Variants in AGER observed in about 807,000 individuals in gnomAD.
AGER encodes the protein advanced glycation end product-specific receptor.
AGER carries 46 observed loss-of-function variants against 48.8 expected under a neutral mutation model. The observed-to-expected ratio is 0.94, with a 90% CI of 0.74 to 1.20. The LOEUF (loss-of-function observed/expected upper bound fraction) is 1.20. Among genes scored for constraint, AGER ranks in the 50% most tolerant of loss-of-function variants. The pLI, the probability that AGER is intolerant of heterozygous loss-of-function variation, is 0.00. For missense variants in AGER, 489 were observed against 515.0 expected, an observed-to-expected ratio of 0.95 and a Z score of 0.49; for synonymous variants, 170 against 199.9, an observed-to-expected ratio of 0.85 and a Z score of 1.26.
At position 32,183,110 on chromosome 6, in the gene AGER, T is replaced by G. The variant is rs1338869496; in HGVS notation, c.508+4A>C. ...GGCAGCTTGGGGGGCACCTTAGGAC[T>G]CACCCTTCTCATTAGGCACCAGGGG... On this transcript the variant is annotated splice_donor_region_variant and intron_variant, in intron 5 of 10. Coordinates refer to ENST00000375076, the MANE Select transcript of AGER (RefSeq NM_001136.5). 6.2e-7 allele frequency: 1 copy of G among 1,612,932 alleles called. No individual in the cohort carries two copies. The highest frequency in any genetic ancestry group is 1.7e-5 in the Admixed American group (1 of 60,006).
intron 4 of AGER, 30 bp downstream of exon 4, chr6:32,183,294 T>C (rs1486100699): frequency 6.2e-7 from 1 of 1,613,116 alleles, no homozygotes; most frequent in South Asian, 1.1e-5. Context: ...CACAGGGCCG[T>C]TTTCTACTTC....
chr6:32,181,396 A>G lies in AGER; in HGVS notation c.1073T>C (p.Ile358Thr), dbSNP rs758267863. 8.1e-6 allele frequency: 13 copies of G among 1,613,168 alleles called. No homozygotes were observed. The highest frequency in any genetic ancestry group is 1.3e-5 in the African/African-American group (1 of 74,864). Residue 358 changes from isoleucine to threonine, a missense_variant, in exon 10 of 11, where the codon ATT (isoleucine) becomes ACT (threonine). By Grantham distance (89) the Ile-to-Thr change is moderately conservative. Transcript: ENST00000375076. The surrounding 1 kb of genome is among the most constrained non-coding windows in gnomAD (Gnocchi z 4.1). ...CCGCCTTTGCCACAAGATGACCCCA[A>G]TGAGCAGGGCGGCTGTCCCCAGGCC... ...LGGLGTAALL[I>T]GVILWQRRQR...
Position 32,184,180 on chromosome 6 carries a change from T to C in AGER, c.43A>G (p.Ser15Gly). The part of the protein sequence containing the change: ...TAVGAWVLVL[S>G]LWGAVVGAQN... ...TGAGGGAGTGGCTCACCCCACAGAC[T>C]GAGGACCAGCACCCAGGCTCCAACT... is the stretch of plus-strand genomic sequence containing the variant. The change falls in exon 1 of 11, where the codon AGT (serine) becomes GGT (glycine). Residue 15 changes from serine (S) to glycine (G), a missense_variant. Ser to Gly is a moderately conservative substitution (Grantham distance 56, BLOSUM62 0). Transcript: ENST00000375076. The C allele has an allele frequency of 6.2e-7, 1 of 1,612,250 alleles. No homozygotes were observed. Among genetic ancestry groups the C allele is most frequent in the Non-Finnish European group, 8.5e-7 (1 of 1,179,526 alleles).
rs774694207 is a variant in AGER, at chr6:32,181,436, G to A, written c.1033C>T (p.Leu345=). 1.9e-6 allele frequency: 3 copies of A among 1,613,384 alleles called. No individual in the cohort carries two copies. The highest frequency in any genetic ancestry group is 2.2e-5 in the South Asian group (2 of 91,082). ...GTCCCCAGGCCTCCCAGGATCCCCA[G>A]GGCCAGGGCTAGAGTTCCCAGCCCT... ...GSGLGTLALA[L]GILGGLGTAA... The change falls in exon 10 of 11, where the codon CTG becomes TTG. Residue 345 remains leucine (L), a synonymous_variant. Coordinates refer to ENST00000375076, the MANE Select transcript of AGER (RefSeq NM_001136.5). This position sits in a 1 kb window ranked among gnomAD's most constrained non-coding sequence, Gnocchi z 4.1.
In AGER at chr6:32,183,865, C is replaced by G. The variant is rs1786727403; in HGVS notation, c.159+16G>C. 1.9e-6 allele frequency: 3 copies of G among 1,612,972 alleles called. No individual in the cohort carries two copies. In the African/African-American group the frequency reaches 4.0e-5, roughly 21 times the overall value. On this transcript the variant is annotated intron_variant, in intron 2 of 10. Transcript: ENST00000375076. Reference sequence around the variant, plus strand: ...CTCCCTGGAAGTTGGGAGGCTGCAACAGGAGCCCCGCTTACCAGTTTCCAT... The same window carrying G: ...CTCCCTGGAAGTTGGGAGGCTGCAAGAGGAGCCCCGCTTACCAGTTTCCAT...
In AGER at chr6:32,181,455, C is replaced by CA. The variant is rs1259165226; in HGVS notation, c.1013dup (p.Thr340AsnfsTer56). ...TCCCCAGGGCCAGGGCTAGAGTTCC[C>CA]AGCCCTGATCCTCCCACAGAGCCTG... On this transcript the variant is annotated frameshift_variant, in exon 10 of 11. Coordinates refer to ENST00000375076, the MANE Select transcript of AGER (RefSeq NM_001136.5). LOFTEE classifies it high-confidence loss of function. The surrounding 1 kb of genome is among the most constrained non-coding windows in gnomAD (Gnocchi z 4.1). 5 of 1,613,202 alleles carry CA rather than the reference C, an allele frequency of 3.1e-6. No homozygotes were observed. Among genetic ancestry groups the CA allele is most frequent in the Non-Finnish European group, 3.4e-6 (4 of 1,180,028 alleles).
At position 32,181,761 on chromosome 6, in the gene AGER, A is replaced by G. The variant is rs1180330464; in HGVS notation, c.965-129T>C. The G allele has an allele frequency of 1.5e-5, 15 of 994,288 alleles. No homozygotes were observed. The highest frequency in any genetic ancestry group is 1.9e-5 in the Non-Finnish European group (13 of 673,184). 61.6% of individuals were successfully genotyped at this position (994,288 alleles called of 1,614,324 possible). A position where few individuals can be genotyped will look rare whatever the true frequency, so the allele number is the denominator to read the frequency against. On this transcript the variant is annotated intron_variant, in intron 8 of 10. Coordinates refer to ENST00000375076, the MANE Select transcript of AGER (RefSeq NM_001136.5). The surrounding 1 kb of genome is among the most constrained non-coding windows in gnomAD (Gnocchi z 4.1). Reference sequence around the variant, plus strand: ...AGATGGAGTTTCACTTTTGTTGCCCAGGCTGGCATGCAATGGTGCGATCTT... The same window carrying G: ...AGATGGAGTTTCACTTTTGTTGCCCGGGCTGGCATGCAATGGTGCGATCTT...
Position 32,182,365 on chromosome 6 carries a change from G to T in AGER, c.846C>A (p.Pro282=), listed in dbSNP as rs1045204978. The T allele has an allele frequency of 3.1e-6, 5 of 1,611,986 alleles. No individual in the cohort carries two copies. Among genetic ancestry groups the T allele is most frequent in the Middle Eastern group, 1.6e-4 (1 of 6,084 alleles). Residue 282 remains proline (P), a synonymous_variant, in exon 8 of 11, where the codon CCC becomes CCA. Transcript: ENST00000375076. This position sits in a 1 kb window ranked among gnomAD's most constrained non-coding sequence, Gnocchi z 5.1. ...MKDGVPLPLP[P]SPVLILPEIG... ...TCTCAGGGAGGATCAGCACAGGGCTGGGGGGAAGGGGCAAGGGCACACCCT... is the reference window on the plus strand; with the variant it reads ...TCTCAGGGAGGATCAGCACAGGGCTTGGGGGAAGGGGCAAGGGCACACCCT...
In AGER at chr6:32,183,267, C is replaced by T. The variant is rs538068075; in HGVS notation, c.420+57G>A. 5.7e-5 allele frequency: 92 copies of T among 1,612,926 alleles called. No individual in the cohort carries two copies. The East Asian group carries it at 1.8e-3, about 32-fold the overall frequency. On this transcript the variant is annotated intron_variant, in intron 4 of 10. Coordinates refer to ENST00000375076, the MANE Select transcript of AGER (RefSeq NM_001136.5). ...GAGATGCCACACACCCACACCCACA[C>T]ACACTCGCCTCCTGTTCACAGGGCC...
chr6:32,184,004 TG>T lies in AGER; in HGVS notation c.53-18del. ...CTACTGCCCCTGGGAGATAGCACCA[TG>T]GTAGAGGGGTAGGAAGGGAATGAGG... On this transcript the variant is annotated intron_variant, in intron 1 of 10. Coordinates refer to ENST00000375076, the MANE Select transcript of AGER (RefSeq NM_001136.5). 1 of 1,612,870 alleles carries T rather than the reference TG, an allele frequency of 6.2e-7. No homozygotes were observed. The highest frequency in any genetic ancestry group is 8.5e-7 in the Non-Finnish European group (1 of 1,179,940).
At position 32,183,762 on chromosome 6, in the gene AGER, G is replaced by A. The variant is rs752147099; in HGVS notation, c.160-12C>T. ...GTCCGGCCTGTGTTCTAGAAGCAGAGAAGCAGGGCCTAAACAGTGCAAGGC... is the reference window on the plus strand; with the variant it reads ...GTCCGGCCTGTGTTCTAGAAGCAGAAAAGCAGGGCCTAAACAGTGCAAGGC... On this transcript the variant is annotated splice_polypyrimidine_tract_variant and intron_variant, in intron 2 of 10. Transcript: ENST00000375076. 32 of 1,612,540 alleles carry A rather than the reference G, an allele frequency of 2.0e-5. No homozygotes were observed. Among genetic ancestry groups the A allele is most frequent in the Non-Finnish European group, 1.9e-5 (22 of 1,179,776 alleles).
chr6:32,183,583 G>T lies in AGER; in HGVS notation c.327C>A (p.Thr109=). Residue 109 remains threonine, a synonymous_variant, in exon 3 of 11, where the codon ACC becomes ACA. Transcript: ENST00000375076. ...AGACACGGACTCGGTAGTTGGACTT[G>T]GTCTCCTTTCCATTCCTGTTCATTG... ...CQAMNRNGKE[T]KSNYRVRVYQ... is the part of the protein sequence containing the mutation. 6.2e-7 allele frequency: 1 copy of T among 1,613,034 alleles called. No individual in the cohort carries two copies. The highest frequency in any genetic ancestry group is 8.5e-7 in the Non-Finnish European group (1 of 1,180,012).
chr6:32,183,959 T>C lies in AGER; in HGVS notation c.81A>G (p.Thr27=). 3 of 1,613,010 alleles carry C rather than the reference T, an allele frequency of 1.9e-6. No individual in the cohort carries two copies. Among genetic ancestry groups the C allele is most frequent in the Non-Finnish European group, 2.5e-6 (3 of 1,179,992 alleles). Residue 27 remains threonine (T), a synonymous_variant, in exon 2 of 11, where the codon ACA becomes ACG. Coordinates refer to ENST00000375076, the MANE Select transcript of AGER (RefSeq NM_001136.5). The part of the protein sequence containing the change: ...WGAVVGAQNI[T]ARIGEPLVLK... Reference sequence around the variant, plus strand: ...GCACCAGTGGCTCGCCAATCCGGGCTGTGATGTTTTGAGCACCTACTACTG... The same window carrying C: ...GCACCAGTGGCTCGCCAATCCGGGCCGTGATGTTTTGAGCACCTACTACTG...
rs1036001023 is a variant in AGER at position 32,181,980 on chromosome 6, G to C, written c.964+267C>G. 1.2e-5 allele frequency: 8 copies of C among 647,622 alleles called. No individual in the cohort carries two copies. The Admixed American group carries it at 1.6e-4, about 13-fold the overall frequency. 40.1% of individuals were successfully genotyped at this position (647,622 alleles called of 1,614,324 possible). On this transcript the variant is annotated intron_variant, in intron 8 of 10. Coordinates refer to ENST00000375076, the MANE Select transcript of AGER (RefSeq NM_001136.5). The surrounding 1 kb of genome is among the most constrained non-coding windows in gnomAD (Gnocchi z 4.1). ...ACTCCCTACCTCAGGTGATCTGCCCGCCTCAGCCTCCCAAAGTGTTGGGAT... is the reference window on the plus strand; with the variant it reads ...ACTCCCTACCTCAGGTGATCTGCCCCCCTCAGCCTCCCAAAGTGTTGGGAT...
Position 32,182,206 on chromosome 6 carries a change from C to T in AGER, c.964+41G>A, listed in dbSNP as rs746352367. ...AAATTAGAGCCTGTGCTGTCCTGCA[C>T]CCTAGTCCCAGGGTCTGTAGGGCTT... On this transcript the variant is annotated intron_variant, in intron 8 of 10. Coordinates refer to ENST00000375076, the MANE Select transcript of AGER (RefSeq NM_001136.5). The surrounding 1 kb of genome is among the most constrained non-coding windows in gnomAD (Gnocchi z 5.1). 1.2e-6 allele frequency: 2 copies of T among 1,612,324 alleles called. No homozygotes were observed. The highest frequency in any genetic ancestry group is 1.7e-6 in the Non-Finnish European group (2 of 1,179,942).
rs756439343 is a variant in AGER, at chr6:32,182,397, G to A, written c.823-9C>T. 8.1e-6 allele frequency: 13 copies of A among 1,608,662 alleles called. No individual in the cohort carries two copies. Among genetic ancestry groups the A allele is most frequent in the South Asian group, 2.2e-5 (2 of 90,926 alleles). On this transcript the variant is annotated splice_polypyrimidine_tract_variant and intron_variant, in intron 7 of 10. Coordinates refer to ENST00000375076, the MANE Select transcript of AGER (RefSeq NM_001136.5). The surrounding 1 kb of genome is among the most constrained non-coding windows in gnomAD (Gnocchi z 5.1). ...AGGGGCAAGGGCACACCCTGGTGGG[G>A]GAAGGGGAGAGGAGACTATTTCAAA...
At position 32,182,725 on chromosome 6, in the gene AGER, GA is replaced by G. The variant is rs1235106277; in HGVS notation, c.692-28del. 6.2e-7 allele frequency: 1 copy of G among 1,613,046 alleles called. No individual in the cohort carries two copies. ...TGGGAGTTGGAAGGGTTTTGAGGTG[GA>G]GAGTTACACTTGTGAGTGATCCCAG... On this transcript the variant is annotated intron_variant, in intron 6 of 10. Transcript: ENST00000375076. The surrounding 1 kb of genome is among the most constrained non-coding windows in gnomAD (Gnocchi z 5.1).
Position 32,183,359 on chromosome 6 carries a change from A to C in AGER, c.385T>G (p.Ser129Ala). 6.2e-7 allele frequency: 1 copy of C among 1,613,142 alleles called. No individual in the cohort carries two copies. The highest frequency in any genetic ancestry group is 8.5e-7 in the Non-Finnish European group (1 of 1,180,038). ...ACACCAGCCGTGAGTTCAGAGGCAG[A>C]ATCTACAATTTCTGGCTTCCCAGGA... is the stretch of plus-strand genomic sequence containing the variant. ...QIPGKPEIVD[S>A]ASELTAGVPN... Residue 129 changes from serine (S) to alanine (A), a missense_variant, in exon 4 of 11, where the codon TCT becomes GCT. Physicochemically the swap from Ser to Ala is moderately conservative, Grantham distance 99. Transcript: ENST00000375076.
In AGER at chr6:32,182,940, G is replaced by C. The variant is rs368048335; in HGVS notation, c.592C>G (p.Arg198Gly). The C allele has an allele frequency of 1.2e-6, 2 of 1,612,584 alleles. No individual in the cohort carries two copies. The highest frequency in any genetic ancestry group is 1.7e-6 in the Non-Finnish European group (2 of 1,179,804). The change falls in exon 6 of 11, where the codon CGG becomes GGG. Residue 198 changes from arginine to glycine, a missense_variant. Coordinates refer to ENST00000375076, the MANE Select transcript of AGER (RefSeq NM_001136.5). The surrounding 1 kb of genome is among the most constrained non-coding windows in gnomAD (Gnocchi z 5.1). ...AAGGTGGGACGGGGATCTCCTCCCC[G>C]GGCTGGGGTCACCATTAGCTCCGAC... is the stretch of plus-strand genomic sequence containing the variant. ...LQSELMVTPA[R>G]GGDPRPTFSC... is the part of the protein sequence containing the mutation.
Sources: allele counts gnomAD v4.1 joint callset, GRCh38; gene constraint gnomAD v4.1.1; non-coding constraint Gnocchi (gnomAD v3.1); transcripts MANE v1.5; gene names NCBI Gene and HGNC (gene_info 2026-07-23, HGNC 2026-07-21).